Variants in PTPRD observed in about 807,000 individuals in gnomAD.
PTPRD encodes the protein protein tyrosine phosphatase receptor type D.
Under a neutral mutation model 214.5 loss-of-function variants are expected in PTPRD, and 34 were observed. The observed-to-expected ratio is 0.16, with a 90% CI of 0.12 to 0.21. The LOEUF is 0.21. Ranked by LOEUF, PTPRD falls within the 10% of genes least tolerant of loss-of-function variation. PTPRD has a pLI of 1.00. For synonymous variants in PTPRD, 1,128 were observed against 845.7 expected (o/e 1.33, Z -5.79); for missense variants, 2,545 against 2,398.7 (o/e 1.06, Z -1.27).
chr9:8,322,073 A>G (rs914732391), intron 44 of PTPRD, among the ~76,000 whole-genome samples: 5 of 152,108 alleles, frequency 3.3e-5, no homozygotes, highest in African/African-American at 1.2e-4. Flanking sequence ...GCCATGAACC[A>G]TGACCATAAG....
chr9:8,956,749 C>G (rs1030814663), intron 11 of PTPRD, among the ~76,000 whole-genome samples: 1 of 151,714 alleles, frequency 6.6e-6, no homozygotes, highest in African/African-American at 2.4e-5. Context: ...CTAAAAAATC[C>G]CAATAAAATA....
intron 2 of PTPRD, among the ~76,000 whole-genome samples, chr9:10,458,078 G>A: frequency 6.6e-6 from 1 of 151,886 alleles, no homozygotes; most frequent in East Asian, 1.9e-4. Flanking sequence ...TCCCAGGAAA[G>A]AAAAACCCAG....
intron 8 of PTPRD, among the ~76,000 whole-genome samples, chr9:9,516,216 G>C (rs1474710815): frequency 8.8e-6 from 1 of 113,808 alleles, no homozygotes; most frequent in Non-Finnish European, 2.1e-5. Context: ...CAAAAGGAAA[G>C]TTAATTCTAC....
At chr9:8,442,936 T>C (rs2095595635) in intron 34 of PTPRD, among the ~76,000 whole-genome samples, 1 of 151,522 alleles carries the variant, frequency 6.6e-6, no homozygotes, top group Admixed American at 6.6e-5. Context: ...ATTCCAGGAG[T>C]TTCTGTCCAG....
Position 8,499,679 on chromosome 9 carries a change from T to C in PTPRD, c.2290A>G (p.Met764Val), listed in dbSNP as rs770945990. 9 of 1,613,794 alleles carry C rather than the reference T, an allele frequency of 5.6e-6. No homozygotes were observed. The highest frequency in any genetic ancestry group is 7.6e-6 in the Non-Finnish European group (9 of 1,179,852). Reference protein sequence around the residue: ...MENGEPKGQPMLKDVMLADAQ... With the variant: ...MENGEPKGQPVLKDVMLADAQ... ...TCAGCCAGCATGACATCTTTCAGCATGGGCTGGCCCTTGGGCTCACCATTT... is the reference window on the plus strand; with the variant it reads ...TCAGCCAGCATGACATCTTTCAGCACGGGCTGGCCCTTGGGCTCACCATTT... Residue 764 changes from methionine to valine, a missense_variant, in exon 25 of 46, where the codon ATG (methionine) becomes GTG (valine). Physicochemically the swap from Met to Val is conservative, Grantham distance 21. Transcript: ENST00000381196.
intron 7 of PTPRD, among the ~76,000 whole-genome samples, chr9:9,585,930 T>G (rs1434246991): frequency 6.6e-6 from 1 of 152,038 alleles, no homozygotes; most frequent in Admixed American, 6.6e-5. Flanking sequence ...TAACCAGAAG[T>G]AGAGCAACCT....
intron 11 of PTPRD, among the ~76,000 whole-genome samples, chr9:8,980,656 T>G (rs1393931867): frequency 5.3e-5 from 8 of 152,078 alleles, no homozygotes; most frequent in Non-Finnish European, 1.2e-4. Flanking sequence ...ATTTTTCCAT[T>G]AGAGAAATGA....
intron 3 of PTPRD, among the ~76,000 whole-genome samples, chr9:10,122,954 G>C (rs1408749444): frequency 6.6e-6 from 1 of 152,222 alleles, no homozygotes. Context: ...AGGCAGAGCT[G>C]CCTTTAAGCG....
chr9:10,463,303 T>G (rs10124191), intron 2 of PTPRD, among the ~76,000 whole-genome samples: 97,244 of 151,900 alleles, frequency 0.64, 32,376 homozygotes, highest in Non-Finnish European at 0.73. Flanking sequence ...TGAGAATTCA[T>G]GTTGCTCAAA....
At chr9:8,710,052 G>C (rs1394808221) in intron 12 of PTPRD, among the ~76,000 whole-genome samples, 1 of 152,110 alleles carries the variant, frequency 6.6e-6, no homozygotes, top group African/African-American at 2.4e-5. Flanking sequence ...GGCTAATAAG[G>C]GTTCTTAAAA....
At chr9:8,688,334 AG>A (rs2097728302) in intron 12 of PTPRD, among the ~76,000 whole-genome samples, 1 of 152,150 alleles carries the variant, frequency 6.6e-6, no homozygotes, top group Non-Finnish European at 1.5e-5. Flanking sequence ...TGGGAGGCCA[AG>A]GCGGGCGGAT....
chr9:8,806,862 T>C (rs904504232), intron 11 of PTPRD, among the ~76,000 whole-genome samples: 6 of 152,188 alleles, frequency 3.9e-5, no homozygotes, highest in Non-Finnish European at 8.8e-5. Context: ...AGATTTACTA[T>C]AATGGTGCCA....
chr9:8,536,064 T>G (rs2076860842), intron 14 of PTPRD, among the ~76,000 whole-genome samples: 1 of 151,966 alleles, frequency 6.6e-6, no homozygotes, highest in Non-Finnish European at 1.5e-5. Context: ...CATTATCATT[T>G]TTTTGTGGCT....
intron 11 of PTPRD, among the ~76,000 whole-genome samples, chr9:8,987,317 C>G (rs949237713): frequency 3.3e-5 from 5 of 151,982 alleles, no homozygotes. Flanking sequence ...CATTAGGGTT[C>G]AGGATTTCGG....
chr9:8,562,628 G>A (rs1054512246), intron 14 of PTPRD, among the ~76,000 whole-genome samples: 6 of 151,904 alleles, frequency 3.9e-5, no homozygotes, highest in Admixed American at 1.3e-4. Flanking sequence ...GTAGATACGG[G>A]GTTTCACCAT....
At chr9:8,956,459 C>T (rs2099132217) in intron 11 of PTPRD, among the ~76,000 whole-genome samples, 2 of 151,224 alleles carry the variant, frequency 1.3e-5, no homozygotes, top group Admixed American at 1.3e-4. Flanking sequence ...TTCTTTCTTT[C>T]TTTTTTTTGT....
chr9:9,439,356 C>T (rs1276577340), intron 8 of PTPRD, among the ~76,000 whole-genome samples: 2 of 152,078 alleles, frequency 1.3e-5, no homozygotes, highest in Non-Finnish European at 2.9e-5. Flanking sequence ...GGCTACCAGA[C>T]ATCCCAAAGA....
intron 2 of PTPRD, among the ~76,000 whole-genome samples, chr9:10,442,485 C>T (rs1015987935): frequency 1.3e-5 from 2 of 151,494 alleles, no homozygotes; most frequent in African/African-American, 4.8e-5. Flanking sequence ...AAGGGGCAAT[C>T]CAACAGATTC....
chr9:8,645,444 T>C (rs2154339099), intron 12 of PTPRD, among the ~76,000 whole-genome samples: 1 of 152,344 alleles, frequency 6.6e-6, no homozygotes, highest in Middle Eastern at 3.4e-3. Context: ...ATTAACTCTC[T>C]TCCATTTCAA....
Sources: allele counts gnomAD v4.1 joint callset (sites outside exome capture counted in the v4.1 genomes callset), GRCh38; gene constraint gnomAD v4.1.1; transcripts MANE v1.5; gene names NCBI Gene and HGNC (gene_info 2026-07-23, HGNC 2026-07-21).